The following MAB21L3 variants were observed in gnomAD, a reference collection of about 807,000 sequenced individuals.
MAB21L3 encodes the protein mab-21 like 3, also known as protein mab-21-like 3.
A neutral mutation model predicts 37.7 loss-of-function variants in MAB21L3; 36 were observed. The observed-to-expected ratio is 0.96, with a 90% CI of 0.73 to 1.26. The LOEUF is 1.26. MAB21L3 is among the 50% of genes most tolerant of loss of function. The pLI is 0.00. For synonymous variants in MAB21L3, 186 were observed against 176.8 expected, an observed-to-expected ratio of 1.05 and a Z score of -0.41; for missense variants, 430 against 447.3, an observed-to-expected ratio of 0.96 and a Z score of 0.35.
intron 3 of MAB21L3, among the ~76,000 whole-genome samples, chr1:116,116,725 G>C (rs1270065561): frequency 6.6e-6 from 1 of 152,128 alleles, no homozygotes; most frequent in East Asian, 1.9e-4. Context: ...AATTTCTGAG[G>C]TCTCTTCCAT....
In MAB21L3 at chr1:116,127,553, C is replaced by T. The variant is rs1161822499; in HGVS notation, c.569C>T (p.Ala190Val). Reference protein sequence around the residue: ...AYQVELELVPAVEIPTTWSKK... With the variant: ...AYQVELELVPVVEIPTTWSKK... ...CAGGTGGAACTGGAGCTGGTCCCCGCAGTGGAGATCCCCACCACCTGGTCC... is the reference window on the plus strand; with the variant it reads ...CAGGTGGAACTGGAGCTGGTCCCCGTAGTGGAGATCCCCACCACCTGGTCC... Residue 190 changes from alanine (A) to valine (V), a missense_variant, in exon 6 of 8, where the codon GCA becomes GTA. Ala to Val is a moderately conservative substitution (Grantham distance 64). Coordinates refer to ENST00000369500, the MANE Select transcript of MAB21L3 (RefSeq NM_152367.3). 1.2e-6 allele frequency: 2 copies of T among 1,614,206 alleles called. No homozygotes were observed. Among genetic ancestry groups the T allele is most frequent in the Admixed American group, 3.3e-5 (2 of 60,026 alleles).
rs760545643 is a variant in MAB21L3 at position 116,128,354 on chromosome 1, G to C, written c.855+15G>C. On this transcript the variant is annotated intron_variant, in intron 7 of 7. Coordinates refer to ENST00000369500, the MANE Select transcript of MAB21L3 (RefSeq NM_152367.3). ...ACCATCTGCAGGTGAGTGTGGGGCA[G>C]GTTGGAGAAGACCCAGGGGCAGCTT... The C allele has an allele frequency of 1.9e-6, 3 of 1,597,872 alleles. No homozygotes were observed. The highest frequency in any genetic ancestry group is 4.2e-4 in the Middle Eastern group (2 of 4,706).
Position 116,112,729 on chromosome 1 carries a change from C to T in MAB21L3, c.48+66C>T, listed in dbSNP as rs565718100. 6.7e-5 allele frequency: 103 copies of T among 1,539,774 alleles called. 1 individual carries two copies. The South Asian group carries it at 1.1e-3, about 16-fold the overall frequency. ...TTCACACTACTTCCAAACAAACCTT[C>T]GTCCAGAAAGGATCTCAGGCTCTTT... On this transcript the variant is annotated intron_variant, in intron 3 of 7. Transcript: ENST00000369500.
rs540660033 is a variant in MAB21L3 at position 116,133,359 on chromosome 1, G to T, written c.1083G>T (p.Pro361=). Residue 361 remains proline, a synonymous_variant, in exon 8 of 8, where the codon CCG becomes CCT. Coordinates refer to ENST00000369500, the MANE Select transcript of MAB21L3 (RefSeq NM_152367.3). ...TCCTGAAGAACCCCCAGATCGGCCCGCCCTGATGGTTGCCCCGGCCTGGGA... is the reference window on the plus strand; with the variant it reads ...TCCTGAAGAACCCCCAGATCGGCCCTCCCTGATGGTTGCCCCGGCCTGGGA... The part of the protein sequence containing the change: ...ATFLKNPQIG[P]P 1 of 1,613,932 alleles carries T rather than the reference G, an allele frequency of 6.2e-7. No individual in the cohort carries two copies. The highest frequency in any genetic ancestry group is 8.5e-7 in the Non-Finnish European group (1 of 1,179,814).
chr1:116,125,930 C>T (rs1193749823), intron 5 of MAB21L3, among the ~76,000 whole-genome samples: 1 of 152,112 alleles, frequency 6.6e-6, no homozygotes, highest in East Asian at 1.9e-4. Flanking sequence ...TTATGCTGTG[C>T]GACATTATTC....
chr1:116,124,349 A>AC lies in MAB21L3; in HGVS notation c.475dup (p.Leu159ProfsTer4). 1.2e-6 allele frequency: 2 copies of AC among 1,612,170 alleles called. No homozygotes were observed. Among genetic ancestry groups the AC allele is most frequent in the Non-Finnish European group, 1.7e-6 (2 of 1,179,540 alleles). Reference sequence around the variant, plus strand: ...GTGGAAAATGCAGTTAGAACCTGTCACCTCTCAGGTGAGCTGATCAGGAAC... The same window carrying AC: ...GTGGAAAATGCAGTTAGAACCTGTCACCCTCTCAGGTGAGCTGATCAGGAAC... On this transcript the variant is annotated frameshift_variant, in exon 5 of 8. Transcript: ENST00000369500. LOFTEE classifies it high-confidence loss of function.
intron 7 of MAB21L3, among the ~76,000 whole-genome samples, chr1:116,130,116 G>A (rs977491480): frequency 6.6e-6 from 1 of 152,294 alleles, no homozygotes; most frequent in South Asian, 2.1e-4. Flanking sequence ...TAACCTTAAC[G>A]ATTGACTTCA....
intron 3 of MAB21L3, 126 bp from the exon 4 acceptor site, chr1:116,120,806 G>A: frequency 1.7e-6 from 2 of 1,197,418 alleles, no homozygotes; most frequent in Non-Finnish European, 1.2e-6. Flanking sequence ...TCTTGGGAAG[G>A]CAGGATTTTT....
chr1:116,122,462 T>G (rs141675838), intron 4 of MAB21L3, among the ~76,000 whole-genome samples: 2 of 152,286 alleles, frequency 1.3e-5, no homozygotes, highest in Non-Finnish European at 2.9e-5. Context: ...CATTTATATA[T>G]GTCATGTCTC....
chr1:116,114,343 G>A (rs1659510051), intron 3 of MAB21L3, among the ~76,000 whole-genome samples: 1 of 152,146 alleles, frequency 6.6e-6, no homozygotes, highest in South Asian at 2.1e-4. Context: ...GAGTGGTGTG[G>A]AAGGCGACAG....
At position 116,137,985 on chromosome 1, in the gene MAB21L3, AG is replaced by A. The variant is rs1413325753; in HGVS notation, c.*4626del. Among the ~76,000 whole-genome samples the A allele has an allele frequency of 1.1e-4, 8 of 75,872 alleles. No homozygotes were observed. In the East Asian group the frequency reaches 1.3e-3, roughly 12 times the overall value. 49.8% of individuals were successfully genotyped at this position (75,872 alleles called of 152,430 possible). A position where few individuals can be genotyped will look rare whatever the true frequency, so the allele number is the denominator to read the frequency against. On this transcript the variant is annotated 3_prime_UTR_variant, in exon 8 of 8. Coordinates refer to ENST00000369500, the MANE Select transcript of MAB21L3 (RefSeq NM_152367.3). ...CTGGGGACTGTTGTGGGGTGGGGGG[AG>A]GGGGGAGGGATAGCATTGGGAGATA...
At chr1:116,114,001 G>A (rs893595299) in intron 3 of MAB21L3, among the ~76,000 whole-genome samples, 11 of 152,050 alleles carry the variant, frequency 7.2e-5, no homozygotes, top group Admixed American at 6.6e-4. Context: ...GCTCCTCCTC[G>A]CCACTTTTCT....
At chr1:116,133,012 A>G (rs1660114989) in intron 7 of MAB21L3, 120 bp from the exon 8 acceptor site, 3 of 802,958 alleles carry the variant, frequency 3.7e-6, no homozygotes, top group East Asian at 2.7e-5. Flanking sequence ...TGGTAGATCC[A>G]GTCTGCCCAG....
chr1:116,129,933 G>A (rs1660022232), intron 7 of MAB21L3, among the ~76,000 whole-genome samples: 1 of 152,170 alleles, frequency 6.6e-6, no homozygotes, highest in South Asian at 2.1e-4. Flanking sequence ...CGTGTCCCAA[G>A]CACACTTCCC....
At position 116,133,503 on chromosome 1, in the gene MAB21L3, AAC is replaced by A; in HGVS notation, c.*141_*142del. ...GCAGCGGAAATTACATCAAACCAGA[AAC>A]ACTTCAGCAGGGGGAAAACTGTGCC... On this transcript the variant is annotated 3_prime_UTR_variant, in exon 8 of 8. Transcript: ENST00000369500. 1.3e-6 allele frequency: 1 copy of A among 753,426 alleles called. No homozygotes were observed. The allele number at this position is 753,426 out of a possible 1,614,324, so 46.7% of individuals were successfully genotyped here. A position where few individuals can be genotyped will look rare whatever the true frequency, so the allele number is the denominator to read the frequency against.
In MAB21L3 at chr1:116,118,730, G is replaced by A. The variant is rs182056551; in HGVS notation, c.49-2202G>A. ...AGGAGCACAAATTCTCTCTTTGTGC[G>A]CCTCAGGCCTGGCTCAATACCTGCT... On this transcript the variant is annotated intron_variant, in intron 3 of 7. Coordinates refer to ENST00000369500, the MANE Select transcript of MAB21L3 (RefSeq NM_152367.3). Among the ~76,000 whole-genome samples the A allele has an allele frequency of 1.1e-4, 17 of 152,242 alleles. No homozygotes were observed. The East Asian group carries it at 1.2e-3, about 10-fold the overall frequency.
chr1:116,124,923 CA>C (rs1261911223), intron 5 of MAB21L3, among the ~76,000 whole-genome samples: 1 of 148,820 alleles, frequency 6.7e-6, no homozygotes, highest in Non-Finnish European at 1.5e-5. Flanking sequence ...TTTGTTCACA[CA>C]AAGCGAAAAG....
At chr1:116,121,759 C>T (rs1449091690) in intron 4 of MAB21L3, among the ~76,000 whole-genome samples, 1 of 152,148 alleles carries the variant, frequency 6.6e-6, no homozygotes, top group Non-Finnish European at 1.5e-5. Flanking sequence ...GTAACACCAG[C>T]ATTCAGGCAA....
intron 4 of MAB21L3, 70 bp from the exon 5 acceptor site, chr1:116,123,996 G>T (rs1301619514): frequency 1.3e-6 from 2 of 1,507,180 alleles, no homozygotes; most frequent in African/African-American, 2.8e-5. Flanking sequence ...AGACAGGTTG[G>T]TTCCCAGGAC....
Sources: gnomAD v4.1 joint callset for allele counts (sites outside exome capture counted in the v4.1 genomes callset) on GRCh38, gnomAD v4.1.1 for gene constraint, MANE v1.5 for transcripts, NCBI Gene and HGNC (gene_info 2026-07-23, HGNC 2026-07-21) for gene names.